Variants in TBL1X observed in about 807,000 individuals in gnomAD.
TBL1X encodes transducin beta like 1 X-linked.
Under a neutral mutation model 50.7 loss-of-function variants are expected in TBL1X, and 10 were observed. The observed-to-expected ratio is 0.20, with a 90% CI of 0.12 to 0.33. TBL1X has a LOEUF of 0.33. Among genes scored for constraint, TBL1X ranks in the 10% least tolerant of loss-of-function variants. The probability of loss-of-function intolerance (pLI) is 1.00; values close to 1 mark genes in which losing one functional copy is unlikely to be tolerated. For synonymous variants in TBL1X, 190 were observed against 214.7 expected (o/e 0.88, Z 1.01); for missense variants, 340 against 504.4 (o/e 0.67, Z 3.12).
At chrX:9,499,006 G>A (rs1601716343) in intron 1 of TBL1X, among the ~76,000 whole-genome samples, 1 of 111,822 alleles carries the variant, frequency 8.9e-6, no homozygotes, top group East Asian at 2.8e-4. Flanking sequence ...TGCCTCCTTG[G>A]CTTCCTTGAT....
chrX:9,582,819 T>C, intron 2 of TBL1X, among the ~76,000 whole-genome samples: 1 of 112,466 alleles, frequency 8.9e-6, no homozygotes, highest in Non-Finnish European at 1.9e-5. Context: ...TTGTCAAACA[T>C]ATTCAGAAGT....
At chrX:9,490,113 A>G (rs1353236642) in intron 1 of TBL1X, among the ~76,000 whole-genome samples, 2 of 102,199 alleles carry the variant, frequency 2.0e-5, no homozygotes, top group East Asian at 6.3e-4. Context: ...ATACAGGTGC[A>G]CACTCACCAC....
chrX:9,663,274 G>A (rs1211110487), intron 5 of TBL1X, among the ~76,000 whole-genome samples: 1 of 111,886 alleles, frequency 8.9e-6, no homozygotes, highest in Non-Finnish European at 1.9e-5. Flanking sequence ...ACAGAAAACA[G>A]TGGCTTATTT....
intron 5 of TBL1X, among the ~76,000 whole-genome samples, chrX:9,663,354 C>A (rs988614741): frequency 2.7e-5 from 3 of 112,000 alleles, no homozygotes; most frequent in African/African-American, 9.8e-5. Flanking sequence ...CTGTGGCATG[C>A]CTGTGCCGTG....
intron 2 of TBL1X, among the ~76,000 whole-genome samples, chrX:9,562,312 T>A (rs2082328420): frequency 8.9e-6 from 1 of 112,483 alleles, no homozygotes; most frequent in Non-Finnish European, 1.9e-5. Context: ...AAGATTAGTT[T>A]CATGCCACTA....
At chrX:9,699,987 G>A (rs1182023053) in intron 12 of TBL1X, among the ~76,000 whole-genome samples, 1 of 112,202 alleles carries the variant, frequency 8.9e-6, no homozygotes, top group East Asian at 2.8e-4. Context: ...AGGTCCTCCA[G>A]AAAGTGTTCT....
At chrX:9,526,499 C>T (rs1024840033) in intron 2 of TBL1X, among the ~76,000 whole-genome samples, 14 of 111,072 alleles carry the variant, frequency 1.3e-4, no homozygotes, top group African/African-American at 3.6e-4. Flanking sequence ...ACGACTTGCC[C>T]GGGGTCCCTG....
At chrX:9,467,988 C>G in intron 1 of TBL1X, among the ~76,000 whole-genome samples, 1 of 112,616 alleles carries the variant, frequency 8.9e-6, no homozygotes, top group Non-Finnish European at 1.9e-5. Flanking sequence ...CAAGCTGGCC[C>G]CCTCCCACAC....
chrX:9,708,814 C>G (rs1012587942), intron 13 of TBL1X, among the ~76,000 whole-genome samples: 1 of 110,605 alleles, frequency 9.0e-6, no homozygotes, highest in Admixed American at 9.6e-5. Context: ...GCTGCAAGGA[C>G]CTGTGATCCT....
At chrX:9,556,218 A>AC (rs2082298590) in intron 2 of TBL1X, among the ~76,000 whole-genome samples, 1 of 109,679 alleles carries the variant, frequency 9.1e-6, no homozygotes, top group East Asian at 2.9e-4. Flanking sequence ...AACAAAAAAA[A>AC]CAGTACAAAG....
At chrX:9,587,765 G>A (rs143315025) in intron 2 of TBL1X, among the ~76,000 whole-genome samples, 1,133 of 110,297 alleles carry the variant, frequency 0.01, 16 homozygotes, top group African/African-American at 0.035. Context: ...TCATCACCTG[G>A]GGAAGAAACA....
rs6640478 is a variant in TBL1X at position 9,712,244 on chromosome X, G to A, written c.1605+468G>A. ...ACACCAGCTCCTGCAGCTCCCTTAC[G>A]GAGCAGACCAGGGAGTGGGAAGGAA... is the stretch of plus-strand genomic sequence containing the variant. On this transcript the variant is annotated intron_variant, in intron 16 of 17. Transcript: ENST00000645353. Among the ~76,000 whole-genome samples the A allele has an allele frequency of 1.1e-4, 13 of 113,202 alleles. No homozygotes were observed. In the East Asian group the frequency reaches 2.8e-3, roughly 24 times the overall value.
chrX:9,497,408 C>CAAAAA (rs35402306), intron 1 of TBL1X, among the ~76,000 whole-genome samples: 12 of 30,395 alleles, frequency 3.9e-4, no homozygotes, highest in Non-Finnish European at 5.3e-4. Flanking sequence ...GACTCCATCT[C>CAAAAA]AAAAAAAAAA....
chrX:9,526,653 C>T (rs926694738), intron 2 of TBL1X, among the ~76,000 whole-genome samples: 1 of 112,205 alleles, frequency 8.9e-6, no homozygotes, highest in African/African-American at 3.2e-5. Flanking sequence ...CAACTATTCA[C>T]CTCTGCAACT....
chrX:9,526,840 G>T (rs1212348223), intron 2 of TBL1X, among the ~76,000 whole-genome samples: 3 of 112,075 alleles, frequency 2.7e-5, no homozygotes, highest in South Asian at 3.7e-4. Flanking sequence ...GTTGGGGAAA[G>T]TTGCTTTCTG....
intron 2 of TBL1X, among the ~76,000 whole-genome samples, chrX:9,634,244 C>T (rs1003817946): frequency 2.7e-5 from 3 of 110,656 alleles, no homozygotes; most frequent in African/African-American, 9.9e-5. Flanking sequence ...CACACCCCAG[C>T]TCCACCAGTC....
intron 2 of TBL1X, among the ~76,000 whole-genome samples, chrX:9,574,756 G>T (rs1317066911): frequency 9.0e-6 from 1 of 111,639 alleles, no homozygotes; most frequent in Non-Finnish European, 1.9e-5. Context: ...GCCTGTGCTT[G>T]ATGGTGCCAG....
intron 1 of TBL1X, among the ~76,000 whole-genome samples, chrX:9,491,308 A>ATT (rs2081940579): frequency 1.1e-4 from 3 of 28,562 alleles, no homozygotes; most frequent in Non-Finnish European, 1.4e-4. Flanking sequence ...CAGTATATTT[A>ATT]TATATATATA....
chrX:9,594,308 T>C (rs1446632142), intron 2 of TBL1X, among the ~76,000 whole-genome samples: 1 of 112,514 alleles, frequency 8.9e-6, no homozygotes, highest in Admixed American at 9.4e-5. Context: ...ACTCTCCCAG[T>C]TCTAGATATC....
Sources: allele counts gnomAD v4.1 joint callset (sites outside exome capture counted in the v4.1 genomes callset), GRCh38; gene constraint gnomAD v4.1.1; transcripts MANE v1.5; gene names NCBI Gene and HGNC (gene_info 2026-07-23, HGNC 2026-07-21).